BAIAP2L1: variants seen among roughly 807,000 people sequenced by gnomAD.
BAIAP2L1 encodes the protein BAR/IMD domain-containing adapter protein 2-like 1.
A neutral mutation model predicts 66.3 loss-of-function variants in BAIAP2L1; 35 were observed. The observed-to-expected ratio is 0.53, with a 90% CI of 0.40 to 0.70. The LOEUF (loss-of-function observed/expected upper bound fraction) is 0.70, where lower values mean the gene tolerates loss of function less well. Ranked by LOEUF, BAIAP2L1 falls within the 30% of genes least tolerant of loss-of-function variation. The pLI, the probability that BAIAP2L1 is intolerant of heterozygous loss-of-function variation, is 0.00. For missense variants in BAIAP2L1, 622 were observed against 656.9 expected (o/e 0.95, Z 0.58); for synonymous variants, 269 against 248.7 (o/e 1.08, Z -0.77).
rs547403540 is a variant in BAIAP2L1 at position 98,337,499 on chromosome 7, T to C, written c.215-17201A>G. ...ACCCACCTTGGCCTCAGATACCTTC[T>C]TGTGTGAACAGTTGAGGAGAATAAG... On this transcript the variant is annotated intron_variant, in intron 3 of 13. Transcript: ENST00000005260. Among the ~76,000 whole-genome samples, 5 of 152,268 alleles carry C rather than the reference T, an allele frequency of 3.3e-5. No homozygotes were observed. In the East Asian group the frequency reaches 7.7e-4, roughly 23 times the overall value.
chr7:98,367,511 T>C (rs988354203), intron 1 of BAIAP2L1, among the ~76,000 whole-genome samples: 5 of 148,758 alleles, frequency 3.4e-5, no homozygotes, highest in Non-Finnish European at 7.4e-5. Flanking sequence ...GATGGGATTA[T>C]AGGCGCGCAC....
intron 1 of BAIAP2L1, among the ~76,000 whole-genome samples, chr7:98,376,517 A>C (rs1301005830): frequency 6.6e-6 from 1 of 150,934 alleles, no homozygotes; most frequent in East Asian, 2.0e-4. Flanking sequence ...TGTCTCAAAA[A>C]ACAAAACAAA....
intron 3 of BAIAP2L1, among the ~76,000 whole-genome samples, chr7:98,341,077 T>C (rs1201596944): frequency 2.0e-5 from 3 of 149,778 alleles, no homozygotes; most frequent in Non-Finnish European, 3.0e-5. Flanking sequence ...CACCCAAAAA[T>C]TGAGATGAGA....
At chr7:98,328,727 G>C (rs1584460609) in intron 3 of BAIAP2L1, among the ~76,000 whole-genome samples, 1 of 150,756 alleles carries the variant, frequency 6.6e-6, no homozygotes, top group South Asian at 2.1e-4. Context: ...ACAAAAATGT[G>C]CCCACACACT....
chr7:98,326,108 CT>C (rs2115563732), intron 3 of BAIAP2L1, among the ~76,000 whole-genome samples: 1 of 152,248 alleles, frequency 6.6e-6, no homozygotes, highest in South Asian at 2.1e-4. Flanking sequence ...GAAACCCCAT[CT>C]CTCCAAAAGA....
chr7:98,338,741 G>A (rs1401633292), intron 3 of BAIAP2L1, among the ~76,000 whole-genome samples: 1 of 152,064 alleles, frequency 6.6e-6, no homozygotes, highest in Non-Finnish European at 1.5e-5. Context: ...TCCACCTTTT[G>A]GCTATTGTGA....
intron 1 of BAIAP2L1, among the ~76,000 whole-genome samples, chr7:98,371,133 G>C (rs1216551474): frequency 6.6e-6 from 1 of 152,082 alleles, no homozygotes; most frequent in Non-Finnish European, 1.5e-5. Context: ...GAATTAAAGG[G>C]CTTAGGATAC....
rs1296319359 is a variant in BAIAP2L1, at chr7:98,320,291, G to A, written c.222C>T (p.Val74=). The change falls in exon 4 of 14, where the codon GTC becomes GTT. Residue 74 remains valine, a synonymous_variant. Transcript: ENST00000005260. ...GSPVSTELGH[V]LIEISSTHKK... ...TGTGGGTACTTGAAATCTCTATGAG[G>A]ACATGTCCTGGGAACAAAACCAGAT... The A allele has an allele frequency of 3.7e-6, 6 of 1,602,772 alleles. No individual in the cohort carries two copies. Among genetic ancestry groups the A allele is most frequent in the Non-Finnish European group, 5.1e-6 (6 of 1,173,676 alleles).
At position 98,347,834 on chromosome 7, in the gene BAIAP2L1, T is replaced by G. The variant is rs111719252; in HGVS notation, c.214+7208A>C. Among the ~76,000 whole-genome samples the G allele has an allele frequency of 4.6e-3, 703 of 151,882 alleles. 11 individuals carry two copies. Among genetic ancestry groups the G allele is most frequent in the African/African-American group, 0.016 (662 of 41,404 alleles). On this transcript the variant is annotated intron_variant, in intron 3 of 13. Coordinates refer to ENST00000005260, the MANE Select transcript of BAIAP2L1 (RefSeq NM_018842.5). ...CATAAGAAAGGATGAGTTCATGTCC[T>G]TTGCAGGGACATGGATGAAGCTGGA...
At chr7:98,336,635 A>C (rs1801624685) in intron 3 of BAIAP2L1, among the ~76,000 whole-genome samples, 1 of 152,152 alleles carries the variant, frequency 6.6e-6, no homozygotes, top group Non-Finnish European at 1.5e-5. Flanking sequence ...AAATAAAATA[A>C]ATGCATAAAT....
At chr7:98,337,930 C>A (rs890435110) in intron 3 of BAIAP2L1, among the ~76,000 whole-genome samples, 117 of 151,722 alleles carry the variant, frequency 7.7e-4, no homozygotes, top group African/African-American at 2.8e-3. Context: ...AACAAACAAA[C>A]AAACAAATAT....
In BAIAP2L1 at chr7:98,293,158, T is replaced by C; in HGVS notation, c.*363A>G. The C allele has an allele frequency of 3.3e-6, 1 of 307,594 alleles. No individual in the cohort carries two copies. Among genetic ancestry groups the C allele is most frequent in the Non-Finnish European group, 5.4e-6 (1 of 185,976 alleles). The allele number at this position is 307,594 out of a possible 1,614,324, so 19.1% of individuals were successfully genotyped here. ...TAAAATAAAACTGGTCTCATTCATATCAGGTGCAGAAAGCCAGTCCTGAAA... is the reference window on the plus strand; with the variant it reads ...TAAAATAAAACTGGTCTCATTCATACCAGGTGCAGAAAGCCAGTCCTGAAA... On this transcript the variant is annotated 3_prime_UTR_variant, in exon 14 of 14. Coordinates refer to ENST00000005260, the MANE Select transcript of BAIAP2L1 (RefSeq NM_018842.5).
intron 3 of BAIAP2L1, among the ~76,000 whole-genome samples, chr7:98,332,536 G>A (rs529851158): frequency 3.3e-5 from 5 of 151,368 alleles, no homozygotes; most frequent in Non-Finnish European, 5.9e-5. Context: ...CAGGCCTGGC[G>A]CAGTGGCTCA....
chr7:98,339,233 G>A (rs1801682737), intron 3 of BAIAP2L1, among the ~76,000 whole-genome samples: 1 of 152,144 alleles, frequency 6.6e-6, no homozygotes, highest in African/African-American at 2.4e-5. Flanking sequence ...ATGCCCACCA[G>A]CAATGGTCAA....
intron 3 of BAIAP2L1, among the ~76,000 whole-genome samples, chr7:98,326,245 C>G (rs1801379424): frequency 6.6e-6 from 1 of 152,182 alleles, no homozygotes; most frequent in Non-Finnish European, 1.5e-5. Flanking sequence ...CCACTGTACT[C>G]CGGCCTGGGC....
intron 2 of BAIAP2L1, among the ~76,000 whole-genome samples, chr7:98,361,255 G>A (rs935325448): frequency 6.6e-6 from 1 of 152,046 alleles, no homozygotes; most frequent in African/African-American, 2.4e-5. Flanking sequence ...TACTTGGGAG[G>A]CTGAGGCAGA....
chr7:98,393,015 A>C (rs912708783), intron 1 of BAIAP2L1, among the ~76,000 whole-genome samples: 26 of 143,980 alleles, frequency 1.8e-4, no homozygotes, highest in Non-Finnish European at 1.0e-4. Context: ...TTGTGTATAT[A>C]TATACATACA....
intron 9 of BAIAP2L1, 58 bp downstream of exon 9, chr7:98,310,386 AG>A: frequency 6.6e-7 from 1 of 1,523,140 alleles, no homozygotes; most frequent in Non-Finnish European, 8.9e-7. Flanking sequence ...TTTATTTCAC[AG>A]CTTATCTTAA....
rs544644072 is a variant in BAIAP2L1 at position 98,335,445 on chromosome 7, C to T, written c.215-15147G>A. Among the ~76,000 whole-genome samples the T allele has an allele frequency of 4.6e-5, 7 of 152,240 alleles. No homozygotes were observed. In the South Asian group the frequency reaches 1.2e-3, roughly 27 times the overall value. ...TTAAAACTATGAGTATAAATGCACA[C>T]GTGTGTGTGTATATATTTCATCATC... On this transcript the variant is annotated intron_variant, in intron 3 of 13. Transcript: ENST00000005260.
Sources: gnomAD v4.1 joint callset for allele counts (sites outside exome capture counted in the v4.1 genomes callset) on GRCh38, gnomAD v4.1.1 for gene constraint, MANE v1.5 for transcripts, NCBI Gene and HGNC (gene_info 2026-07-23, HGNC 2026-07-21) for gene names.